Variants in SLC7A2 observed in about 807,000 individuals in gnomAD.
SLC7A2 encodes the protein solute carrier family 7 member 2, also known as cationic amino acid transporter 2.
SLC7A2 carries 48 observed loss-of-function variants against 58.9 expected under a neutral mutation model. The ratio of observed to expected loss-of-function variants is 0.82; its 90% CI spans 0.65 to 1.04. The LOEUF (loss-of-function observed/expected upper bound fraction) is 1.04, where lower values mean the gene tolerates loss of function less well. Among genes scored for constraint, SLC7A2 ranks in the 50% least tolerant of loss-of-function variants. The pLI is 0.00. For synonymous variants in SLC7A2, 363 were observed against 314.5 expected, an observed-to-expected ratio of 1.15 and a Z score of -1.63; for missense variants, 1,029 against 818.8, an observed-to-expected ratio of 1.26 and a Z score of -3.13.
intron 2 of SLC7A2, among the ~76,000 whole-genome samples, chr8:17,502,820 C>T (rs551134846): frequency 1.3e-5 from 2 of 152,132 alleles, no homozygotes; most frequent in East Asian, 3.9e-4. Context: ...TAATTCTTCA[C>T]GGCACACTGC....
chr8:17,523,738 G>A (rs997465695), intron 2 of SLC7A2, among the ~76,000 whole-genome samples: 2 of 152,130 alleles, frequency 1.3e-5, no homozygotes, highest in Admixed American at 1.3e-4. Flanking sequence ...AAAAGCAAAT[G>A]CAGCAAAAAC....
In SLC7A2 at chr8:17,522,727, G is replaced by C. The variant is rs190803935; in HGVS notation, c.-23+20425G>C. Among the ~76,000 whole-genome samples the C allele has an allele frequency of 2.5e-5, 3 of 119,736 alleles. No homozygotes were observed. In the East Asian group the frequency reaches 6.6e-4, roughly 26 times the overall value. 78.6% of individuals were successfully genotyped at this position (119,736 alleles called of 152,430 possible). A position where few individuals can be genotyped will look rare whatever the true frequency, so the allele number is the denominator to read the frequency against. On this transcript the variant is annotated intron_variant, in intron 2 of 12. Coordinates refer to ENST00000494857, the MANE Select transcript of SLC7A2 (RefSeq NM_001370338.1). ...GGGAAAGCTTCCTTTGTGACTTCTA[G>C]GAAGTACATTTTTTAAAAGAGGGGT...
chr8:17,556,713 A>G (rs890091856), intron 8 of SLC7A2, among the ~76,000 whole-genome samples: 3 of 151,918 alleles, frequency 2.0e-5, no homozygotes, highest in Admixed American at 6.6e-5. Flanking sequence ...AGTTCAAGCA[A>G]TTCTCCTGCC....
intron 8 of SLC7A2, chr8:17,554,993 C>G (rs1172059181): frequency 6.2e-7 from 1 of 1,613,958 alleles, no homozygotes; most frequent in Admixed American, 1.7e-5. Context: ...TTTGCCATGG[C>G]CCGGGATGGC....
At chr8:17,495,310 A>T (rs369045593), upstream of SLC7A2, among the ~76,000 whole-genome samples, 2 of 152,050 alleles carry the variant, frequency 1.3e-5, no homozygotes, top group Admixed American at 6.6e-5. Context: ...AAATTAGACA[A>T]AGTATCTGAG....
chr8:17,530,607 C>A (rs1179650272), intron 2 of SLC7A2, among the ~76,000 whole-genome samples: 1 of 148,754 alleles, frequency 6.7e-6, no homozygotes, highest in Non-Finnish European at 1.5e-5. Flanking sequence ...GGGTCTCTCT[C>A]TGACACCCAG....
intron 2 of SLC7A2, among the ~76,000 whole-genome samples, chr8:17,524,491 A>G (rs1455322219): frequency 6.6e-6 from 1 of 151,938 alleles, no homozygotes; most frequent in East Asian, 1.9e-4. Context: ...ACAGGAATGA[A>G]ATAATGGTAT....
Position 17,568,914 on chromosome 8 carries a change from A to G in SLC7A2, c.*3768A>G, listed in dbSNP as rs990702464. ...AGGAGAGTGAGGCTGCAGTGAGCTG[A>G]GATTACGCCACTGCACTCTAGCCTG... On this transcript the variant is annotated 3_prime_UTR_variant, in exon 13 of 13. Transcript: ENST00000494857. The G allele has an allele frequency of 6.6e-6, 1 of 152,196 alleles. No homozygotes were observed. Among genetic ancestry groups the G allele is most frequent in the African/African-American group, 2.4e-5 (1 of 41,444 alleles). The allele number at this position is 152,196 out of a possible 1,614,324, so 9.4% of individuals were successfully genotyped here. A position where few individuals can be genotyped will look rare whatever the true frequency, so the allele number is the denominator to read the frequency against.
At chr8:17,517,266 T>G (rs926819176) in intron 2 of SLC7A2, among the ~76,000 whole-genome samples, 9 of 152,172 alleles carry the variant, frequency 5.9e-5, no homozygotes, top group African/African-American at 2.2e-4. Context: ...TCAGAGGTCA[T>G]TCGAAATAAA....
chr8:17,509,924 T>G (rs1800532376), intron 2 of SLC7A2, among the ~76,000 whole-genome samples: 1 of 151,930 alleles, frequency 6.6e-6, no homozygotes, highest in African/African-American at 2.4e-5. Context: ...GTGCATTATG[T>G]AAGAGTGAAT....
rs1243856115 is a variant in SLC7A2, at chr8:17,560,491, C to G, written c.1462C>G (p.Gln488Glu). 1.2e-6 allele frequency: 2 copies of G among 1,613,956 alleles called. No individual in the cohort carries two copies. Among genetic ancestry groups the G allele is most frequent in the Non-Finnish European group, 8.5e-7 (1 of 1,179,880 alleles). ...TLFCPSLLPT[Q>E]QSASLVSFLV... The stretch of plus-strand genomic sequence containing the variant: ...CTTCTGCCCCTCCCTTCTGCCAACA[C>G]AGCAGTCAGCTTCTCTCGTGAGCTT... Residue 488 changes from glutamine (Q) to glutamate (E), a missense_variant, in exon 10 of 13, where the codon CAG becomes GAG. By Grantham distance (29) the Gln-to-Glu change is conservative (BLOSUM62 2). Coordinates refer to ENST00000494857, the MANE Select transcript of SLC7A2 (RefSeq NM_001370338.1).
chr8:17,535,391 C>T (rs1801621705), intron 2 of SLC7A2, among the ~76,000 whole-genome samples: 1 of 152,110 alleles, frequency 6.6e-6, no homozygotes, highest in South Asian at 2.1e-4. Context: ...TACCTGTATC[C>T]CCGTCACAGT....
At chr8:17,501,053 G>A (rs921602389) in intron 1 of SLC7A2, among the ~76,000 whole-genome samples, 15 of 149,592 alleles carry the variant, frequency 1.0e-4, no homozygotes, top group African/African-American at 3.7e-4. Context: ...TCGTTCTGAC[G>A]CCCAGGCTAG....
chr8:17,508,538 A>G lies in SLC7A2; in HGVS notation c.-23+6236A>G, dbSNP rs1974474. Among the ~76,000 whole-genome samples, 87 of 152,274 alleles carry G rather than the reference A, an allele frequency of 5.7e-4. No homozygotes were observed. In the South Asian group the frequency reaches 0.018, roughly 31 times the overall value. On this transcript the variant is annotated intron_variant, in intron 2 of 12. Coordinates refer to ENST00000494857, the MANE Select transcript of SLC7A2 (RefSeq NM_001370338.1). ...CAGGAGTTCAAGACCAGCCTGGCCA[A>G]CATGGCGAAACCACATCTCTACTAA...
chr8:17,537,971 G>C (rs118171351), intron 2 of SLC7A2, among the ~76,000 whole-genome samples: 1 of 152,120 alleles, frequency 6.6e-6, no homozygotes, highest in Admixed American at 6.5e-5. Flanking sequence ...AGCTAACTAG[G>C]TATGCCTTAT....
chr8:17,500,647 G>C (rs1347238505), intron 1 of SLC7A2: 1 of 152,214 alleles, frequency 6.6e-6, no homozygotes, highest in Non-Finnish European at 1.5e-5. Flanking sequence ...AAATTAGCCA[G>C]GTTTGGTGGC....
intron 2 of SLC7A2, among the ~76,000 whole-genome samples, chr8:17,506,622 C>T (rs889793250): frequency 1.1e-4 from 16 of 152,196 alleles, no homozygotes; most frequent in African/African-American, 3.6e-4. Context: ...AGACTGAGAT[C>T]TTGAGAGGTG....
upstream of SLC7A2, among the ~76,000 whole-genome samples, chr8:17,494,146 A>C (rs779738861): frequency 7.2e-5 from 11 of 152,168 alleles, no homozygotes; most frequent in Non-Finnish European, 1.2e-4. Context: ...TTGGGGAATA[A>C]TAGAGTCACA....
Position 17,500,789 on chromosome 8 carries a change from AACACACACATAC to A in SLC7A2, c.-68-1458_-68-1447del, listed in dbSNP as rs1332875615. On this transcript the variant is annotated intron_variant, in intron 1 of 12. Coordinates refer to ENST00000494857, the MANE Select transcript of SLC7A2 (RefSeq NM_001370338.1). ...GGGTGACTGAGCGAGACTCTGTCTC[AACACACACATAC>A]ACACACACACACACACACACACACA... is the stretch of plus-strand genomic sequence containing the variant. Among the ~76,000 whole-genome samples, 4 of 122,048 alleles carry A rather than the reference AACACACACATAC, an allele frequency of 3.3e-5. No homozygotes were observed. In the East Asian group the frequency reaches 1.1e-3, roughly 33 times the overall value. 80.1% of individuals were successfully genotyped at this position (122,048 alleles called of 152,430 possible). A position where few individuals can be genotyped will look rare whatever the true frequency, so the allele number is the denominator to read the frequency against.
Sources: gnomAD v4.1 joint callset for allele counts (sites outside exome capture counted in the v4.1 genomes callset) on GRCh38, gnomAD v4.1.1 for gene constraint, MANE v1.5 for transcripts, NCBI Gene and HGNC (gene_info 2026-07-23, HGNC 2026-07-21) for gene names.